The following GULP1 variants were observed in gnomAD, a reference collection of about 807,000 sequenced individuals.
GULP1 encodes the protein PTB domain-containing engulfment adapter protein 1.
In GULP1, 19 loss-of-function variants were observed where a neutral mutation model predicts 40.9. The ratio of observed to expected loss-of-function variants is 0.46; its 90% CI spans 0.32 to 0.68. The LOEUF (loss-of-function observed/expected upper bound fraction) is 0.68. GULP1 is among the 30% of genes least tolerant of loss of function. The pLI, the probability that GULP1 is intolerant of heterozygous loss-of-function variation, is 0.03. For missense variants in GULP1, 312 were observed against 362.2 expected, an observed-to-expected ratio of 0.86 and a Z score of 1.12; for synonymous variants, 119 against 117.6, an observed-to-expected ratio of 1.01 and a Z score of -0.08.
chr2:188,448,690 C>T (rs1264551848), intron 2 of GULP1, among the ~76,000 whole-genome samples: 8 of 152,078 alleles, frequency 5.3e-5, no homozygotes. Context: ...TTGTTCTGCC[C>T]AGATCTCATG....
chr2:188,381,725 G>A (rs2049027496), intron 1 of GULP1, among the ~76,000 whole-genome samples: 1 of 152,010 alleles, frequency 6.6e-6, no homozygotes, highest in Non-Finnish European at 1.5e-5. Flanking sequence ...CAACAAACAA[G>A]AAAAACATGA....
intron 1 of GULP1, among the ~76,000 whole-genome samples, chr2:188,302,733 C>A (rs1011924038): frequency 1.3e-5 from 2 of 152,150 alleles, no homozygotes; most frequent in African/African-American, 4.8e-5. Flanking sequence ...TTCTGATCTG[C>A]ATTGCCAAAT....
At chr2:188,343,830 G>T (rs1470768949) in intron 1 of GULP1, among the ~76,000 whole-genome samples, 1 of 151,884 alleles carries the variant, frequency 6.6e-6, no homozygotes, top group Non-Finnish European at 1.5e-5. Flanking sequence ...ACAGAGTCTC[G>T]TTCTGTCACC....
chr2:188,419,032 A>G (rs530436916), intron 2 of GULP1, among the ~76,000 whole-genome samples: 1 of 152,318 alleles, frequency 6.6e-6, no homozygotes, highest in African/African-American at 2.4e-5. Context: ...AGGTTCATCT[A>G]TGCTTTGCAG....
At chr2:188,356,763 C>T (rs1010047436) in intron 1 of GULP1, among the ~76,000 whole-genome samples, 3 of 151,978 alleles carry the variant, frequency 2.0e-5, no homozygotes, top group Admixed American at 2.0e-4. Flanking sequence ...AAGCCAGAGG[C>T]GTCAAACTTC....
chr2:188,347,829 A>G (rs1027504486), intron 1 of GULP1, among the ~76,000 whole-genome samples: 2 of 152,148 alleles, frequency 1.3e-5, no homozygotes, highest in Non-Finnish European at 2.9e-5. Context: ...TGTTGCCCAG[A>G]CTATTCTAGA....
chr2:188,581,950 T>A (rs1701415964), intron 9 of GULP1, among the ~76,000 whole-genome samples: 1 of 152,054 alleles, frequency 6.6e-6, no homozygotes, highest in South Asian at 2.1e-4. Context: ...TGTACAAGAG[T>A]TTACTCCTAG....
At chr2:188,331,728 G>A (rs1419918270) in intron 1 of GULP1, among the ~76,000 whole-genome samples, 1 of 152,222 alleles carries the variant, frequency 6.6e-6, no homozygotes, top group East Asian at 1.9e-4. Context: ...TCCTCAAAAT[G>A]TTATCAATGC....
chr2:188,408,363 T>G (rs1390090252), intron 2 of GULP1, among the ~76,000 whole-genome samples: 4 of 152,088 alleles, frequency 2.6e-5, no homozygotes, highest in Non-Finnish European at 4.4e-5. Context: ...CTAGGACAGG[T>G]AACTATACTT....
intron 1 of GULP1, among the ~76,000 whole-genome samples, chr2:188,378,016 T>G (rs1483114012): frequency 6.6e-6 from 1 of 152,180 alleles, no homozygotes; most frequent in African/African-American, 2.4e-5. Context: ...AATAGTCAGA[T>G]GTTTAAGCAG....
chr2:188,360,117 T>C (rs1303871483), intron 1 of GULP1, among the ~76,000 whole-genome samples: 4 of 152,122 alleles, frequency 2.6e-5, no homozygotes, highest in Admixed American at 1.3e-4. Flanking sequence ...TTCTCTTTGG[T>C]TGACATCCTG....
intron 4 of GULP1, among the ~76,000 whole-genome samples, chr2:188,521,222 CCTGTATATTT>C (rs1474686243): frequency 1.3e-5 from 2 of 151,962 alleles, no homozygotes; most frequent in African/African-American, 4.8e-5. Flanking sequence ...TAGAATAAAA[CCTGTATATTT>C]CAATTCTAAT....
chr2:188,347,242 A>G (rs2152255818), intron 1 of GULP1, among the ~76,000 whole-genome samples: 1 of 152,282 alleles, frequency 6.6e-6, no homozygotes, highest in South Asian at 2.1e-4. Context: ...TGGTTGAGAA[A>G]ATTGAAAAGA....
chr2:188,589,884 T>C (rs1703167170), intron 11 of GULP1: 2 of 436,044 alleles, frequency 4.6e-6, no homozygotes, highest in Non-Finnish European at 8.2e-6. Context: ...ATTAGTTATG[T>C]TTAGAGAGGT....
intron 2 of GULP1, among the ~76,000 whole-genome samples, chr2:188,443,948 T>C (rs2058164799): frequency 6.6e-6 from 1 of 152,134 alleles, no homozygotes; most frequent in South Asian, 2.1e-4. Flanking sequence ...GGAAAGTCAA[T>C]TGCCTTTTTT....
At chr2:188,295,981 G>A (rs562178172) in intron 1 of GULP1, among the ~76,000 whole-genome samples, 109 of 151,926 alleles carry the variant, frequency 7.2e-4, no homozygotes, top group African/African-American at 2.5e-3. Context: ...TTCAATTCGC[G>A]ATATTGCAAT....
At chr2:188,469,532 G>A (rs1262536247) in intron 2 of GULP1, among the ~76,000 whole-genome samples, 1 of 152,114 alleles carries the variant, frequency 6.6e-6, no homozygotes, top group Admixed American at 6.5e-5. Flanking sequence ...GGAACCTCTA[G>A]TCATGGCAGT....
At chr2:188,318,476 A>G (rs1422165966) in intron 1 of GULP1, among the ~76,000 whole-genome samples, 1 of 152,114 alleles carries the variant, frequency 6.6e-6, no homozygotes, top group African/African-American at 2.4e-5. Flanking sequence ...AACTCCATAT[A>G]TGGAAATGTA....
intron 2 of GULP1, among the ~76,000 whole-genome samples, chr2:188,407,475 A>G (rs1279461367): frequency 6.6e-6 from 1 of 152,216 alleles, no homozygotes; most frequent in African/African-American, 2.4e-5. Context: ...ACACAGTGTA[A>G]AAGGATGTAA....
Sources: gnomAD v4.1 joint callset for allele counts (sites outside exome capture counted in the v4.1 genomes callset) on GRCh38, gnomAD v4.1.1 for gene constraint, MANE v1.5 for transcripts, NCBI Gene and HGNC (gene_info 2026-07-23, HGNC 2026-07-21) for gene names.